Variants in RCOR1 observed in about 807,000 individuals in gnomAD.
RCOR1 encodes the protein REST corepressor.
Under a neutral mutation model 64.0 loss-of-function variants are expected in RCOR1, and 12 were observed. That is an observed-to-expected ratio of 0.19 (90% CI 0.12 to 0.30). RCOR1 has a LOEUF of 0.30. Ranked by LOEUF, RCOR1 falls within the 10% of genes least tolerant of loss-of-function variation. RCOR1 has a pLI of 1.00. For synonymous variants in RCOR1, 279 were observed against 227.2 expected (o/e 1.23, Z -2.05); for missense variants, 502 against 621.2 (o/e 0.81, Z 2.04).
intron 2 of RCOR1, among the ~76,000 whole-genome samples, chr14:102,634,346 T>C (rs927892400): frequency 6.6e-6 from 1 of 151,778 alleles, no homozygotes; most frequent in Non-Finnish European, 1.5e-5. Context: ...CTGCACTCCA[T>C]CCTGGGTGAC....
At chr14:102,616,028 G>C (rs993111823) in intron 2 of RCOR1, among the ~76,000 whole-genome samples, 1 of 152,156 alleles carries the variant, frequency 6.6e-6, no homozygotes, top group African/African-American at 2.4e-5. Flanking sequence ...TGAGGACTCA[G>C]TCCTATCTTT....
chr14:102,648,761 G>C (rs1258234691), intron 2 of RCOR1, among the ~76,000 whole-genome samples: 1 of 152,152 alleles, frequency 6.6e-6, no homozygotes, highest in Non-Finnish European at 1.5e-5. Flanking sequence ...CTCTGACAGT[G>C]AGAATCTTGG....
chr14:102,727,750 T>C lies in RCOR1; in HGVS notation c.*1244T>C, dbSNP rs1354537377. On this transcript the variant is annotated 3_prime_UTR_variant, in exon 12 of 12. Transcript: ENST00000262241. The stretch of plus-strand genomic sequence containing the variant: ...AAATAACCTACAGAGTGGTCTGTAA[T>C]GCCTTTTGGTTGGACTGGGAACAAG... 1 of 152,190 alleles carries C rather than the reference T, an allele frequency of 6.6e-6. No homozygotes were observed. The highest frequency in any genetic ancestry group is 1.5e-5 in the Non-Finnish European group (1 of 68,040). 9.4% of individuals were successfully genotyped at this position (152,190 alleles called of 1,614,324 possible). A position where few individuals can be genotyped will look rare whatever the true frequency, so the allele number is the denominator to read the frequency against.
intron 2 of RCOR1, among the ~76,000 whole-genome samples, chr14:102,602,394 CTTTT>C (rs66743592): frequency 0.59 from 61,075 of 103,642 alleles, 16,696 homozygotes; most frequent in Middle Eastern, 0.68. Context: ...CTTTTCTTTT[CTTTT>C]TTTTTTTTTT....
chr14:102,676,724 G>A (rs1895170854), intron 2 of RCOR1, among the ~76,000 whole-genome samples: 3 of 105,082 alleles, frequency 2.9e-5, no homozygotes, highest in East Asian at 6.1e-4. Flanking sequence ...CTGGCCGGGC[G>A]GGGGGCTGAC....
intron 2 of RCOR1, among the ~76,000 whole-genome samples, chr14:102,626,912 T>C (rs961630769): frequency 6.6e-6 from 1 of 152,204 alleles, no homozygotes; most frequent in African/African-American, 2.4e-5. Flanking sequence ...CTTTGCTTGC[T>C]TTCCCATAGC....
chr14:102,621,367 C>CTTT (rs35481023), intron 2 of RCOR1, among the ~76,000 whole-genome samples: 7 of 78,516 alleles, frequency 8.9e-5, no homozygotes, highest in Admixed American at 3.3e-4. Flanking sequence ...CAGTCTTTGT[C>CTTT]TTTTTTTTTT....
At chr14:102,699,018 C>A (rs1465833135) in intron 3 of RCOR1, among the ~76,000 whole-genome samples, 1 of 152,062 alleles carries the variant, frequency 6.6e-6, no homozygotes, top group African/African-American at 2.4e-5. Flanking sequence ...TCCCAAGTAG[C>A]TGGAACTACA....
chr14:102,676,980 C>T (rs1157269881), intron 2 of RCOR1, among the ~76,000 whole-genome samples: 3 of 95,410 alleles, frequency 3.1e-5, no homozygotes, highest in African/African-American at 4.6e-5. Context: ...TAGGGGCGGC[C>T]GGGCAGAGGC....
intron 2 of RCOR1, among the ~76,000 whole-genome samples, chr14:102,673,766 C>G (rs1278587448): frequency 6.6e-6 from 1 of 152,058 alleles, no homozygotes; most frequent in East Asian, 1.9e-4. Context: ...CAGGCATGTG[C>G]CACCATGCCT....
intron 2 of RCOR1, among the ~76,000 whole-genome samples, chr14:102,653,503 T>C (rs543401722): frequency 6.6e-6 from 1 of 152,198 alleles, no homozygotes; most frequent in South Asian, 2.1e-4. Context: ...TGTTATTCTT[T>C]AGTAGTTCCT....
intron 7 of RCOR1, 74 bp from the exon 8 acceptor site, chr14:102,714,349 A>T: frequency 1.1e-6 from 1 of 950,776 alleles, no homozygotes; most frequent in Non-Finnish European, 1.5e-6. Context: ...TGCCATGTTA[A>T]GGAAATAAAT....
intron 8 of RCOR1, among the ~76,000 whole-genome samples, chr14:102,720,769 C>T (rs562164821): frequency 2.0e-4 from 30 of 152,268 alleles, no homozygotes; most frequent in Admixed American, 1.2e-3. Context: ...GGACTGTGTA[C>T]GTGAGAGCCC....
intron 3 of RCOR1, among the ~76,000 whole-genome samples, chr14:102,692,472 C>CACACACACAT (rs71119731): frequency 6.6e-6 from 1 of 151,028 alleles, no homozygotes; most frequent in Non-Finnish European, 1.5e-5. Context: ...CACACACACA[C>CACACACACAT]GCTTATTTTT....
chr14:102,592,864 TC>T lies in RCOR1; in HGVS notation c.-22del, dbSNP rs2139870001. 2 of 1,182,710 alleles carry T rather than the reference TC, an allele frequency of 1.7e-6. No individual in the cohort carries two copies. Among genetic ancestry groups the T allele is most frequent in the East Asian group, 7.9e-5 (2 of 25,290 alleles). The allele number at this position is 1,182,710 out of a possible 1,614,324, so 73.3% of individuals were successfully genotyped here. A position where few individuals can be genotyped will look rare whatever the true frequency, so the allele number is the denominator to read the frequency against. ...CAGGAGCCGCGGGTCCCCGCCACTT[TC>T]GCACGGCCCCGGCCCCCGCCGATGC... On this transcript the variant is annotated 5_prime_UTR_variant, in exon 1 of 12. Transcript: ENST00000262241.
chr14:102,720,796 T>C, intron 8 of RCOR1: 1 of 399,290 alleles, frequency 2.5e-6, no homozygotes, highest in Non-Finnish European at 4.5e-6. Flanking sequence ...CCCTCCTCCT[T>C]GGGTTGTACC....
intron 2 of RCOR1, chr14:102,651,040 C>G: frequency 1.0e-6 from 1 of 975,560 alleles, no homozygotes; most frequent in Non-Finnish European, 1.2e-6. Flanking sequence ...TCCTAATTCA[C>G]TAGCAGCTAA....
intron 3 of RCOR1, among the ~76,000 whole-genome samples, chr14:102,682,964 T>G (rs1314776282): frequency 6.6e-6 from 1 of 152,224 alleles, no homozygotes; most frequent in African/African-American, 2.4e-5. Context: ...TCATTTAGCC[T>G]GTTAGCCACT....
In RCOR1 at chr14:102,684,710, G is replaced by A. The variant is rs566636182; in HGVS notation, c.445+2732G>A. ...AGGTGATAATCGTTAAACATTTTGG[G>A]GTATTTCTTCCAATTTTTTTTGTAT... On this transcript the variant is annotated intron_variant, in intron 3 of 11. Transcript: ENST00000262241. Among the ~76,000 whole-genome samples the A allele has an allele frequency of 9.2e-5, 14 of 151,996 alleles. No individual in the cohort carries two copies. In the South Asian group the frequency reaches 2.9e-3, roughly 32 times the overall value.
Sources: gnomAD v4.1 joint callset for allele counts (sites outside exome capture counted in the v4.1 genomes callset) on GRCh38, gnomAD v4.1.1 for gene constraint, MANE v1.5 for transcripts, NCBI Gene and HGNC (gene_info 2026-07-23, HGNC 2026-07-21) for gene names.